Variants in PCSK5 observed in about 807,000 individuals in gnomAD.
PCSK5 encodes prohormone convertase 5.
Under a neutral mutation model 233.2 loss-of-function variants are expected in PCSK5, and 129 were observed. The observed-to-expected ratio is 0.55, with a 90% CI of 0.48 to 0.64. The LOEUF is 0.64. Ranked by LOEUF, PCSK5 falls within the 30% of genes least tolerant of loss-of-function variation. The pLI, the probability that PCSK5 is intolerant of heterozygous loss-of-function variation, is 0.00. For missense variants in PCSK5, 2,076 were observed against 2,430.1 expected, an observed-to-expected ratio of 0.85 and a Z score of 3.06; for synonymous variants, 825 against 879.2, an observed-to-expected ratio of 0.94 and a Z score of 1.09.
intron 2 of PCSK5, among the ~76,000 whole-genome samples, chr9:75,962,468 A>G (rs988732779): frequency 2.6e-5 from 4 of 152,210 alleles, no homozygotes; most frequent in African/African-American, 9.6e-5. Flanking sequence ...GTTGAGGGCT[A>G]GGAATGCGGT....
intron 2 of PCSK5, among the ~76,000 whole-genome samples, chr9:75,963,880 A>G (rs1340679688): frequency 6.6e-6 from 1 of 151,932 alleles, no homozygotes; most frequent in Non-Finnish European, 1.5e-5. Flanking sequence ...CTTCGTCTCA[A>G]AAAAATAAAA....
rs745323465 is a variant in PCSK5, at chr9:75,891,387, G to A, written c.192+14G>A. 8 of 1,539,972 alleles carry A rather than the reference G, an allele frequency of 5.2e-6. No homozygotes were observed. The highest frequency in any genetic ancestry group is 7.0e-6 in the Non-Finnish European group (8 of 1,149,966). On this transcript the variant is annotated intron_variant, in intron 1 of 37. Coordinates refer to ENST00000674117, the MANE Select transcript of PCSK5 (RefSeq NM_001372043.1). ...AACATAGGACAGGTAACGAACTACA[G>A]GCTAGCCCAGCCCTCGGCCCTGAAG...
At chr9:76,248,571 TA>T (rs1338868143) in intron 24 of PCSK5, among the ~76,000 whole-genome samples, 2 of 152,144 alleles carry the variant, frequency 1.3e-5, no homozygotes, top group African/African-American at 2.4e-5. Context: ...TAAGTAGATA[TA>T]AACACACTGG....
chr9:75,927,444 A>G (rs919710290), intron 1 of PCSK5, among the ~76,000 whole-genome samples: 1 of 152,134 alleles, frequency 6.6e-6, no homozygotes, highest in Non-Finnish European at 1.5e-5. Context: ...CTTCATAACT[A>G]GGTGACCAAC....
chr9:76,077,795 C>G (rs1034165037), intron 7 of PCSK5, among the ~76,000 whole-genome samples: 2 of 152,154 alleles, frequency 1.3e-5, no homozygotes, highest in African/African-American at 4.8e-5. Context: ...TTTTCTTTAT[C>G]CAATCCACCA....
intron 5 of PCSK5, among the ~76,000 whole-genome samples, chr9:76,064,470 C>G (rs1264134162): frequency 6.8e-6 from 1 of 146,248 alleles, no homozygotes; most frequent in African/African-American, 2.6e-5. Context: ...TGACCCCCCA[C>G]CTCCCTCCCG....
intron 34 of PCSK5, among the ~76,000 whole-genome samples, chr9:76,334,601 C>A (rs1245149698): frequency 6.6e-6 from 1 of 152,096 alleles, no homozygotes; most frequent in Non-Finnish European, 1.5e-5. Context: ...CATGGTGGCA[C>A]GTGCCTGTCA....
chr9:75,960,830 G>A (rs1196864186), intron 2 of PCSK5, among the ~76,000 whole-genome samples: 1 of 152,144 alleles, frequency 6.6e-6, no homozygotes, highest in Non-Finnish European at 1.5e-5. Context: ...GTGAAAAGGA[G>A]TGCAGATGAC....
intron 35 of PCSK5, among the ~76,000 whole-genome samples, chr9:76,343,807 C>A (rs1391739929): frequency 6.6e-6 from 1 of 152,088 alleles, no homozygotes; most frequent in Non-Finnish European, 1.5e-5. Context: ...ACTTAAGGCA[C>A]AATGTTCTAC....
intron 24 of PCSK5, among the ~76,000 whole-genome samples, chr9:76,270,750 A>G (rs1827487372): frequency 1.3e-5 from 2 of 152,194 alleles, no homozygotes; most frequent in Admixed American, 1.3e-4. Context: ...CTTGAACAGC[A>G]TCCTAAGCCT....
At chr9:76,177,724 G>T (rs1823677422) in intron 14 of PCSK5, among the ~76,000 whole-genome samples, 1 of 152,124 alleles carries the variant, frequency 6.6e-6, no homozygotes, top group Admixed American at 6.5e-5. Context: ...TTGGAATGTT[G>T]AGATTCAGAA....
chr9:76,151,842 TGTCTCACCTTC>T (rs1823685333), intron 10 of PCSK5, among the ~76,000 whole-genome samples: 2 of 152,240 alleles, frequency 1.3e-5, no homozygotes, highest in African/African-American at 2.4e-5. Context: ...AAGTTATTCT[TGTCTCACCTTC>T]TACTTGAGTG....
chr9:75,932,338 T>C lies in PCSK5; in HGVS notation c.193-41T>C, dbSNP rs770006794. ...ACAGAAGACGGTTTTCACACATTAA[T>C]GTCTTTTTTTTGTTCTTTCCTTCCC... On this transcript the variant is annotated intron_variant, in intron 1 of 37. Transcript: ENST00000674117. 6 of 1,197,170 alleles carry C rather than the reference T, an allele frequency of 5.0e-6. No homozygotes were observed. The South Asian group carries it at 6.4e-5, about 13-fold the overall frequency. 74.2% of individuals were successfully genotyped at this position (1,197,170 alleles called of 1,614,324 possible).
intron 2 of PCSK5, among the ~76,000 whole-genome samples, chr9:75,939,676 A>G (rs1458730801): frequency 6.6e-6 from 1 of 152,246 alleles, no homozygotes; most frequent in Non-Finnish European, 1.5e-5. Context: ...TTTAAAAATA[A>G]AAACCATAAA....
At chr9:75,982,223 A>G (rs1484111499) in intron 2 of PCSK5, among the ~76,000 whole-genome samples, 1 of 152,010 alleles carries the variant, frequency 6.6e-6, no homozygotes, top group African/African-American at 2.4e-5. Flanking sequence ...CATTTATTAT[A>G]TTAATCTCTA....
At chr9:76,004,250 T>A (rs1401075435) in intron 3 of PCSK5, among the ~76,000 whole-genome samples, 1 of 151,338 alleles carries the variant, frequency 6.6e-6, no homozygotes. Context: ...TTGGATTTCT[T>A]TGATGTTTTT....
At chr9:76,176,783 T>A (rs1823635369) in intron 14 of PCSK5, among the ~76,000 whole-genome samples, 1 of 152,210 alleles carries the variant, frequency 6.6e-6, no homozygotes, top group Non-Finnish European at 1.5e-5. Context: ...TATGGCCACT[T>A]TGCTTAACTC....
Position 75,986,176 on chromosome 9 carries a change from G to A in PCSK5, c.342G>A (p.Arg114=). The A allele has an allele frequency of 6.2e-7, 1 of 1,613,870 alleles. No individual in the cohort carries two copies. Among genetic ancestry groups the A allele is most frequent in the Non-Finnish European group, 8.5e-7 (1 of 1,179,744 alleles). The change falls in exon 3 of 38, where the codon AGG becomes AGA. Residue 114 remains arginine (R), a synonymous_variant. Transcript: ENST00000674117. The part of the protein sequence containing the change: ...QQQVVKKRTK[R]DYDFSRAQST... ...AAGTGGTAAAAAAGCGGACAAAGAG[G>A]GATTATGACTTCAGTCGTGCCCAGT...
chr9:75,914,775 G>A (rs898317305), intron 1 of PCSK5, among the ~76,000 whole-genome samples: 3 of 152,102 alleles, frequency 2.0e-5, no homozygotes, highest in African/African-American at 7.2e-5. Flanking sequence ...CAGGGCCTGT[G>A]TTTCTTTAGG....
Sources: allele counts gnomAD v4.1 joint callset (sites outside exome capture counted in the v4.1 genomes callset), GRCh38; gene constraint gnomAD v4.1.1; transcripts MANE v1.5; gene names NCBI Gene and HGNC (gene_info 2026-07-23, HGNC 2026-07-21).